DACH2: variants seen among roughly 807,000 people sequenced by gnomAD.
DACH2 encodes the protein dachshund family transcription factor 2.
In DACH2, 17 loss-of-function variants were observed where a neutral mutation model predicts 35.8. The ratio of observed to expected loss-of-function variants is 0.48; its 90% CI spans 0.33 to 0.71. The LOEUF is 0.71. Among genes scored for constraint, DACH2 ranks in the 30% least tolerant of loss-of-function variants. The pLI is 0.02. For synonymous variants in DACH2, 195 were observed against 177.3 expected (o/e 1.10, Z -0.79); for missense variants, 469 against 472.7 (o/e 0.99, Z 0.07).
At chrX:86,707,094 G>A (rs1048303133) in intron 5 of DACH2, among the ~76,000 whole-genome samples, 7 of 110,311 alleles carry the variant, frequency 6.3e-5, no homozygotes, top group African/African-American at 2.0e-4. Context: ...TAAACCCCTA[G>A]GCAGGCTAAC....
At chrX:86,546,933 T>C (rs1166314151) in intron 3 of DACH2, among the ~76,000 whole-genome samples, 1 of 110,935 alleles carries the variant, frequency 9.0e-6, no homozygotes, top group East Asian at 2.9e-4. Context: ...GCGCCCATTT[T>C]CACTTGTTTT....
At chrX:86,729,930 A>T (rs5923619) in intron 6 of DACH2, among the ~76,000 whole-genome samples, 28,776 of 108,667 alleles carry the variant, frequency 0.26, 3,329 homozygotes, top group Middle Eastern at 0.42. Flanking sequence ...ATTTTTTTTT[A>T]TAAATTACCC....
chrX:86,335,103 G>T (rs148222523), intron 1 of DACH2, among the ~76,000 whole-genome samples: 2 of 111,077 alleles, frequency 1.8e-5, no homozygotes, highest in East Asian at 5.7e-4. Context: ...CCTCTGTTCT[G>T]TTCCATTTTT....
chrX:86,439,154 G>A lies in DACH2; in HGVS notation c.527+62292G>A, dbSNP rs141557809. Among the ~76,000 whole-genome samples, 391 of 111,797 alleles carry A rather than the reference G, an allele frequency of 3.5e-3. 1 individual carries two copies. Among genetic ancestry groups the A allele is most frequent in the Middle Eastern group, 0.019 (4 of 213 alleles). ...ATTTTCCTGATGATTAATGATGTTG[G>A]ACATTTTTTCATATAACTGTTAGCC... On this transcript the variant is annotated intron_variant, in intron 2 of 11. Coordinates refer to ENST00000373125, the MANE Select transcript of DACH2 (RefSeq NM_053281.3).
intron 1 of DACH2, among the ~76,000 whole-genome samples, chrX:86,335,742 C>A (rs2035295928): frequency 9.0e-6 from 1 of 111,567 alleles, no homozygotes; most frequent in African/African-American, 3.3e-5. Flanking sequence ...CTTTTTATTG[C>A]TTTCCTTTGC....
rs185873684 is a variant in DACH2, at chrX:86,739,062, C to T, written c.1105-685C>T. Among the ~76,000 whole-genome samples the T allele has an allele frequency of 1.2e-3, 131 of 110,140 alleles. 3 individuals are homozygous for T. The East Asian group carries it at 0.035, about 29-fold the overall frequency. Reference sequence around the variant, plus strand: ...TAATTTTTTGTATTTTTAGTAGAGACGCGGTTTCACCATTTTGATCAGGCT... The same window carrying T: ...TAATTTTTTGTATTTTTAGTAGAGATGCGGTTTCACCATTTTGATCAGGCT... On this transcript the variant is annotated intron_variant, in intron 6 of 11. Transcript: ENST00000373125.
At chrX:86,474,126 C>T (rs2037803575) in intron 2 of DACH2, among the ~76,000 whole-genome samples, 1 of 111,609 alleles carries the variant, frequency 9.0e-6, no homozygotes, top group African/African-American at 3.3e-5. Context: ...TAATGTTGAC[C>T]ACCTTTTCAT....
intron 1 of DACH2, among the ~76,000 whole-genome samples, chrX:86,273,612 A>C (rs777785732): frequency 1.8e-5 from 2 of 112,174 alleles, no homozygotes; most frequent in African/African-American, 6.5e-5. Context: ...AGCATACACC[A>C]TCTACATTTT....
intron 2 of DACH2, among the ~76,000 whole-genome samples, chrX:86,482,965 G>A (rs1395392111): frequency 1.4e-5 from 1 of 71,852 alleles, no homozygotes; most frequent in Non-Finnish European, 2.4e-5. Flanking sequence ...ACAGGAAGGG[G>A]AACATCACAC....
intron 2 of DACH2, among the ~76,000 whole-genome samples, chrX:86,497,354 T>C (rs1027081302): frequency 2.7e-5 from 3 of 111,859 alleles, no homozygotes; most frequent in African/African-American, 9.8e-5. Context: ...ACTTTAGATA[T>C]AGAGTATGCA....
At chrX:86,599,881 C>T (rs962884599) in intron 3 of DACH2, among the ~76,000 whole-genome samples, 1 of 111,108 alleles carries the variant, frequency 9.0e-6, no homozygotes, top group Admixed American at 9.6e-5. Context: ...ATGATATGGG[C>T]CCCATTGCTC....
intron 2 of DACH2, among the ~76,000 whole-genome samples, chrX:86,424,278 A>G (rs1457362666): frequency 9.0e-6 from 1 of 111,222 alleles, no homozygotes; most frequent in African/African-American, 3.3e-5. Flanking sequence ...TTTGTGTACT[A>G]TGGACATTTT....
chrX:86,474,507 T>C (rs1053973442), intron 2 of DACH2, among the ~76,000 whole-genome samples: 47 of 112,157 alleles, frequency 4.2e-4, no homozygotes, highest in Non-Finnish European at 4.9e-4. Flanking sequence ...TAGATTTAAG[T>C]ATTTAATCTA....
intron 1 of DACH2, among the ~76,000 whole-genome samples, chrX:86,289,443 T>G (rs1436379325): frequency 9.2e-6 from 1 of 108,271 alleles, no homozygotes; most frequent in Non-Finnish European, 1.9e-5. Flanking sequence ...TATTATACTT[T>G]AAGTTTTAGG....
chrX:86,577,477 A>C (rs1444683593), intron 3 of DACH2, among the ~76,000 whole-genome samples: 1 of 111,671 alleles, frequency 9.0e-6, no homozygotes, highest in African/African-American at 3.3e-5. Flanking sequence ...TTTTAAATAA[A>C]AGATATAAAA....
At chrX:86,773,366 T>C (rs1259943608) in intron 7 of DACH2, among the ~76,000 whole-genome samples, 1 of 111,910 alleles carries the variant, frequency 8.9e-6, no homozygotes, top group Non-Finnish European at 1.9e-5. Flanking sequence ...ACATTGGCTT[T>C]AGTGCAGCAA....
chrX:86,597,770 G>A (rs183577196), intron 3 of DACH2, among the ~76,000 whole-genome samples: 94 of 111,607 alleles, frequency 8.4e-4, no homozygotes, highest in African/African-American at 2.8e-3. Flanking sequence ...TGAAGTCTCC[G>A]ATCATTATTA....
intron 3 of DACH2, among the ~76,000 whole-genome samples, chrX:86,574,332 C>T (rs2039409331): frequency 9.0e-6 from 1 of 111,237 alleles, no homozygotes; most frequent in Non-Finnish European, 1.9e-5. Context: ...CTAATTTTTA[C>T]CAGCCAATTA....
At chrX:86,247,739 A>G (rs987021809) in intron 1 of DACH2, among the ~76,000 whole-genome samples, 3 of 111,321 alleles carry the variant, frequency 2.7e-5, no homozygotes, top group Admixed American at 9.6e-5. Context: ...ACACAACACA[A>G]AAAGAAAACT....
Sources: allele counts gnomAD v4.1 joint callset (sites outside exome capture counted in the v4.1 genomes callset), GRCh38; gene constraint gnomAD v4.1.1; transcripts MANE v1.5; gene names NCBI Gene and HGNC (gene_info 2026-07-23, HGNC 2026-07-21).